Variants in ANKRD60 observed in about 807,000 individuals in gnomAD.
ANKRD60 encodes ankyrin repeat domain 60.
In ANKRD60, 24 loss-of-function variants were observed where a neutral mutation model predicts 21.3. The ratio of observed to expected loss-of-function variants is 1.13; its 90% confidence interval spans 0.82 to 1.59. ANKRD60 has a LOEUF of 1.59. Among genes scored for constraint, ANKRD60 ranks in the 40% most tolerant of loss-of-function variants. ANKRD60 has a pLI of 0.00. For missense variants in ANKRD60, 490 were observed against 466.7 expected (o/e 1.05, Z -0.46); for synonymous variants, 182 against 199.4 (o/e 0.91, Z 0.74).
chr20:58,221,192 G>A (rs1037443572), intron 3 of ANKRD60, 146 bp downstream of exon 3: 19 of 826,350 alleles, frequency 2.3e-5, no homozygotes, highest in Admixed American at 3.0e-5. Context: ...GGGAGTGAGT[G>A]GCACCATGGG....
rs573145601 is a variant in ANKRD60 at position 58,221,225 on chromosome 20, G to GAC, written c.727+111_727+112dup. 3.7e-5 allele frequency: 44 copies of GAC among 1,197,336 alleles called. No homozygotes were observed. In the Admixed American group the frequency reaches 6.3e-4, roughly 17 times the overall value. 74.2% of individuals were successfully genotyped at this position (1,197,336 alleles called of 1,614,324 possible). A position where few individuals can be genotyped will look rare whatever the true frequency, so the allele number is the denominator to read the frequency against. ...GGGGACCCTGACTGGTGGCTGACAA[G>GAC]ACACAGGTCCAGGAAACCACTGCTG... On this transcript the variant is annotated intron_variant, in intron 3 of 3. Coordinates refer to ENST00000457363, the Ensembl canonical transcript of ANKRD60.
intron 1 of ANKRD60, among the ~76,000 whole-genome samples, chr20:58,225,850 G>A (rs1052037314): frequency 6.6e-6 from 1 of 152,220 alleles, no homozygotes; most frequent in Non-Finnish European, 1.5e-5. Context: ...ATGGAGCCCA[G>A]GGACTTTGAT....
intron 2 of ANKRD60, among the ~76,000 whole-genome samples, chr20:58,222,536 G>C (rs1984280329): frequency 6.6e-6 from 1 of 152,176 alleles, no homozygotes. Context: ...GTACACATCT[G>C]GTTTCTATCC....
At chr20:58,219,228 G>T (rs1369086030) in intron 3 of ANKRD60, among the ~76,000 whole-genome samples, 1 of 152,024 alleles carries the variant, frequency 6.6e-6, no homozygotes, top group Non-Finnish European at 1.5e-5. Context: ...ATTTTATTCT[G>T]GGCTAAATCT....
chr20:58,223,219 G>T lies in ANKRD60; in HGVS notation c.431-37C>A, dbSNP rs186974967. The T allele has an allele frequency of 4.9e-4, 744 of 1,518,958 alleles. 9 individuals carry two copies. In the East Asian group the frequency reaches 0.016, roughly 32 times the overall value. The allele number at this position is 1,518,958 out of a possible 1,614,324, so 94.1% of individuals were successfully genotyped here. ...AATTTTTTTTCTTTTAAAAAATTGG[G>T]TATTAAAGATAAACTACTACATTGG... On this transcript the variant is annotated intron_variant, in intron 1 of 3. Coordinates refer to ENST00000457363, the Ensembl canonical transcript of ANKRD60.
intron 3 of ANKRD60, 23 bp downstream of exon 3, chr20:58,221,315 A>T (rs778644957): frequency 6.9e-5 from 106 of 1,545,584 alleles, no homozygotes; most frequent in Non-Finnish European, 9.1e-5. Context: ...TCATGAATAT[A>T]GCAAGCTTTC....
At chr20:58,226,804 G>A (rs189961038) in intron 1 of ANKRD60, among the ~76,000 whole-genome samples, 8 of 152,276 alleles carry the variant, frequency 5.3e-5, no homozygotes, top group African/African-American at 1.9e-4. Flanking sequence ...GATGTGAGCA[G>A]AGTTAGCTTT....
chr20:58,221,579 T>G, intron 2 of ANKRD60, 76 bp from the exon 3 acceptor site: 1 of 1,464,220 alleles, frequency 6.8e-7, no homozygotes, highest in South Asian at 1.3e-5. Context: ...TGGGGCATGC[T>G]CAGGGGAAGG....
intron 3 of ANKRD60, among the ~76,000 whole-genome samples, chr20:58,219,269 G>C (rs1253574884): frequency 1.3e-5 from 2 of 152,140 alleles, no homozygotes; most frequent in East Asian, 1.9e-4. Flanking sequence ...TTCTTTCCTT[G>C]GGAAAATCTT....
At chr20:58,224,504 C>A (rs1984327862) in intron 1 of ANKRD60, among the ~76,000 whole-genome samples, 1 of 152,222 alleles carries the variant, frequency 6.6e-6, no homozygotes, top group Non-Finnish European at 1.5e-5. Context: ...CTGTGAACAG[C>A]CACCCCAGTG....
chr20:58,225,079 T>C (rs966853650), intron 1 of ANKRD60, among the ~76,000 whole-genome samples: 1 of 152,306 alleles, frequency 6.6e-6, no homozygotes, highest in African/African-American at 2.4e-5. Flanking sequence ...TGAGTAGCAC[T>C]TTCTGTCTTT....
At chr20:58,223,071 A>G (rs1430705749) in exon 2 of ANKRD60, 1 of 1,551,126 alleles carries the variant, frequency 6.4e-7, no homozygotes, top group Non-Finnish European at 8.7e-7. Flanking sequence ...ATCCCCTTCC[A>G]CAGCCGCCAA....
chr20:58,220,077 G>GA (rs1372783026), intron 3 of ANKRD60, among the ~76,000 whole-genome samples: 3 of 152,168 alleles, frequency 2.0e-5, no homozygotes, highest in African/African-American at 4.8e-5. Context: ...GTGTAAGTGG[G>GA]AAAAATAGCA....
chr20:58,222,624 C>T (rs552234785), intron 2 of ANKRD60, among the ~76,000 whole-genome samples: 7 of 152,204 alleles, frequency 4.6e-5, no homozygotes, highest in East Asian at 1.9e-4. Flanking sequence ...GCCCGCCGCT[C>T]ACCCCGGGAA....
intron 2 of ANKRD60, among the ~76,000 whole-genome samples, chr20:58,222,051 C>G (rs148931416): frequency 6.6e-6 from 1 of 152,284 alleles, no homozygotes; most frequent in African/African-American, 2.4e-5. Flanking sequence ...GATACTCTGC[C>G]CTGATATGGG....
chr20:58,222,684 C>T (rs1317472174), intron 2 of ANKRD60, among the ~76,000 whole-genome samples: 1 of 152,350 alleles, frequency 6.6e-6, no homozygotes, highest in East Asian at 1.9e-4. Context: ...GAGGCCTGTA[C>T]CACAGCCCCG....
chr20:58,221,459 T>G lies in ANKRD60; in HGVS notation c.606A>C (p.Ala202=), dbSNP rs917413741. Residue 202 remains alanine (A), a synonymous_variant, in exon 3 of 4, where the codon GCA becomes GCC. Coordinates refer to ENST00000457363, the Ensembl canonical transcript of ANKRD60. Reference sequence around the variant, plus strand: ...TCTCACCCTCAAAATGTTCTGAATTTGCGGTTCGGTAGAAGGAATCTTCAG... The same window carrying G: ...TCTCACCCTCAAAATGTTCTGAATTGGCGGTTCGGTAGAAGGAATCTTCAG... The G allele has an allele frequency of 7.7e-6, 12 of 1,552,008 alleles. No individual in the cohort carries two copies. The East Asian group carries it at 2.9e-4, about 38-fold the overall frequency.
At chr20:58,221,542 C>T (rs1463691316) in intron 2 of ANKRD60, 39 bp from the exon 3 acceptor site, 30 of 1,544,564 alleles carry the variant, frequency 1.9e-5, no homozygotes, top group Middle Eastern at 1.7e-4. Flanking sequence ...TTCTCAAAAG[C>T]GTGGCTACAT....
intron 1 of ANKRD60, among the ~76,000 whole-genome samples, chr20:58,225,973 A>G (rs528315546): frequency 6.6e-6 from 1 of 152,266 alleles, no homozygotes; most frequent in East Asian, 1.9e-4. Context: ...CCTGGCCTCC[A>G]CTGGGTATCT....
Sources: allele counts gnomAD v4.1 joint callset (sites outside exome capture counted in the v4.1 genomes callset), GRCh38; gene constraint gnomAD v4.1.1; transcripts MANE v1.5; gene names NCBI Gene and HGNC (gene_info 2026-07-23, HGNC 2026-07-21).